Variants in MCTP1 observed in about 807,000 individuals in gnomAD.
The protein encoded by MCTP1 is multiple C2 and transmembrane domain containing 1.
A neutral mutation model predicts 120.6 loss-of-function variants in MCTP1; 69 were observed. The observed-to-expected ratio is 0.57, with a 90% CI of 0.47 to 0.70. The LOEUF is 0.70. MCTP1 is among the 30% of genes least tolerant of loss of function. The probability of loss-of-function intolerance (pLI) is 0.00; values close to 1 mark genes in which losing one functional copy is unlikely to be tolerated. For synonymous variants in MCTP1, 529 were observed against 493.1 expected, an observed-to-expected ratio of 1.07 and a Z score of -0.96; for missense variants, 1,203 against 1,248.8, an observed-to-expected ratio of 0.96 and a Z score of 0.55.
chr5:95,073,122 TG>T lies in MCTP1; in HGVS notation c.721-55639del, dbSNP rs1342473029. On this transcript the variant is annotated intron_variant, in intron 1 of 22. Transcript: ENST00000515393. ...TCATCACACTAGCCCATGGTCACAATGAAGCTTGCAAGGCCTTCTTTCAGCA... is the reference window on the plus strand; with the variant it reads ...TCATCACACTAGCCCATGGTCACAATAAGCTTGCAAGGCCTTCTTTCAGCA... Among the ~76,000 whole-genome samples, 3 of 152,302 alleles carry T rather than the reference TG, an allele frequency of 2.0e-5. No homozygotes were observed. In the East Asian group the frequency reaches 5.8e-4, roughly 29 times the overall value.
intron 17 of MCTP1, among the ~76,000 whole-genome samples, chr5:94,803,682 C>T (rs539841183): frequency 6.6e-6 from 1 of 152,074 alleles, no homozygotes; most frequent in Non-Finnish European, 1.5e-5. Flanking sequence ...TTGTATACTA[C>T]CTTAGAATCC....
Position 94,729,196 on chromosome 5 carries a change from A to C in MCTP1, c.2611-14310T>G, listed in dbSNP as rs73150147. On this transcript the variant is annotated intron_variant, in intron 19 of 22. Coordinates refer to ENST00000515393, the MANE Select transcript of MCTP1 (RefSeq NM_024717.7). ...CAAACAAAGGGAATTGAACACAAGG[A>C]AGTAGCTACACAGGTGATGGAAGAA... is the stretch of plus-strand genomic sequence containing the variant. Among the ~76,000 whole-genome samples, 465 of 152,318 alleles carry C rather than the reference A, an allele frequency of 3.1e-3. 1 individual carries two copies. Among genetic ancestry groups the C allele is most frequent in the African/African-American group, 0.011 (444 of 41,570 alleles).
rs1199173408 is a variant in MCTP1 at position 94,796,596 on chromosome 5, CATATATATA to C, written c.2556+2408_2556+2416del. Among the ~76,000 whole-genome samples the C allele has an allele frequency of 8.9e-3, 1,093 of 122,186 alleles. 8 individuals are homozygous for C. The highest frequency in any genetic ancestry group is 0.031 in the South Asian group (122 of 3,902). The allele number at this position is 122,186 out of a possible 152,430, so 80.2% of individuals were successfully genotyped here. On this transcript the variant is annotated intron_variant, in intron 18 of 22. Coordinates refer to ENST00000515393, the MANE Select transcript of MCTP1 (RefSeq NM_024717.7). ...GTATCCACATACACACACACACACA[CATATATATA>C]ATATATATAATATATATAATATATA...
At chr5:95,137,133 C>T (rs1339692561) in intron 1 of MCTP1, among the ~76,000 whole-genome samples, 3 of 152,186 alleles carry the variant, frequency 2.0e-5, no homozygotes, top group Non-Finnish European at 4.4e-5. Flanking sequence ...TTATAAGCAA[C>T]AGCCTTATGA....
At chr5:94,971,789 G>A (rs1184165694) in intron 2 of MCTP1, among the ~76,000 whole-genome samples, 2 of 152,102 alleles carry the variant, frequency 1.3e-5, no homozygotes, top group African/African-American at 4.8e-5. Context: ...GGACTCTTAT[G>A]TAGGTTAAAA....
At chr5:94,713,641 AGG>A (rs1757913885) in intron 20 of MCTP1, among the ~76,000 whole-genome samples, 1 of 152,190 alleles carries the variant, frequency 6.6e-6, no homozygotes, top group Non-Finnish European at 1.5e-5. Context: ...GAGAGGAAGA[AGG>A]AGAGAGAAAA....
At chr5:95,257,108 C>G (rs755085177) in intron 1 of MCTP1, among the ~76,000 whole-genome samples, 1 of 152,272 alleles carries the variant, frequency 6.6e-6, no homozygotes, top group Middle Eastern at 3.4e-3. Context: ...TAATAATGTT[C>G]TTACATAATT....
chr5:95,009,795 C>A (rs912908883), intron 2 of MCTP1, among the ~76,000 whole-genome samples: 10 of 152,124 alleles, frequency 6.6e-5, no homozygotes, highest in Non-Finnish European at 1.2e-4. Flanking sequence ...CTTTCTAATT[C>A]ATTATGCTGC....
intron 12 of MCTP1, among the ~76,000 whole-genome samples, chr5:94,878,227 C>T (rs922445093): frequency 2.6e-5 from 4 of 152,108 alleles, no homozygotes; most frequent in Non-Finnish European, 4.4e-5. Context: ...TCCACCAGAA[C>T]AGAAAGCAGC....
chr5:94,721,902 T>C (rs1761010310), intron 19 of MCTP1, among the ~76,000 whole-genome samples: 1 of 150,004 alleles, frequency 6.7e-6, no homozygotes, highest in African/African-American at 2.4e-5. Context: ...AAAAAAAATA[T>C]CCACAACAAC....
intron 19 of MCTP1, among the ~76,000 whole-genome samples, chr5:94,747,958 C>T (rs1057513374): frequency 2.0e-5 from 3 of 152,152 alleles, no homozygotes; most frequent in Non-Finnish European, 4.4e-5. Context: ...GGCGTAGTGG[C>T]GCGCGCCTGT....
chr5:94,849,416 C>A (rs1014403453), intron 17 of MCTP1, among the ~76,000 whole-genome samples: 1 of 151,950 alleles, frequency 6.6e-6, no homozygotes, highest in Admixed American at 6.6e-5. Context: ...AAATATGTGC[C>A]GTTTATTTCT....
chr5:95,253,291 T>C (rs1757552853), intron 1 of MCTP1, among the ~76,000 whole-genome samples: 1 of 152,096 alleles, frequency 6.6e-6, no homozygotes, highest in Non-Finnish European at 1.5e-5. Flanking sequence ...TTCATAACCG[T>C]ACAAGAATTT....
chr5:94,715,982 CTTTCA>C (rs1759094109), intron 19 of MCTP1, among the ~76,000 whole-genome samples: 1 of 152,226 alleles, frequency 6.6e-6, no homozygotes, highest in Non-Finnish European at 1.5e-5. Flanking sequence ...TACATACTGA[CTTTCA>C]TTTCAGAAGA....
At chr5:94,765,642 T>C (rs1203187260) in intron 19 of MCTP1, among the ~76,000 whole-genome samples, 1 of 145,238 alleles carries the variant, frequency 6.9e-6, no homozygotes, top group African/African-American at 2.6e-5. Context: ...TGGAGGTTGC[T>C]GTGAGCCGAG....
At chr5:94,973,371 C>T (rs1258970600) in intron 2 of MCTP1, among the ~76,000 whole-genome samples, 1 of 152,164 alleles carries the variant, frequency 6.6e-6, no homozygotes, top group Admixed American at 6.5e-5. Context: ...CCATGAGAGA[C>T]AAGATTGTAT....
At chr5:94,831,297 A>T (rs546577025) in intron 17 of MCTP1, among the ~76,000 whole-genome samples, 1 of 152,344 alleles carries the variant, frequency 6.6e-6, no homozygotes, top group South Asian at 2.1e-4. Context: ...TATTCCTGAA[A>T]AGGTCAAAAT....
intron 2 of MCTP1, among the ~76,000 whole-genome samples, chr5:94,961,668 A>G (rs1408176777): frequency 6.6e-6 from 1 of 152,196 alleles, no homozygotes; most frequent in African/African-American, 2.4e-5. Flanking sequence ...AGATCCCTGG[A>G]GAAGGTAACT....
chr5:95,098,772 T>G (rs1756474946), intron 1 of MCTP1, among the ~76,000 whole-genome samples: 1 of 152,008 alleles, frequency 6.6e-6, no homozygotes, highest in African/African-American at 2.4e-5. Flanking sequence ...AAAAAACTAC[T>G]TTAAAGTTCA....
Sources: allele counts gnomAD v4.1 joint callset (sites outside exome capture counted in the v4.1 genomes callset), GRCh38; gene constraint gnomAD v4.1.1; transcripts MANE v1.5; gene names NCBI Gene and HGNC (gene_info 2026-07-23, HGNC 2026-07-21).